Variants in INPP4B observed in about 807,000 individuals in gnomAD.
The protein encoded by INPP4B is inositol polyphosphate 4-phosphatase type II.
In INPP4B, 55 loss-of-function variants were observed where a neutral mutation model predicts 122.5. That is an observed-to-expected ratio of 0.45 (90% CI 0.36 to 0.56). The LOEUF (loss-of-function observed/expected upper bound fraction) is 0.56. INPP4B is among the 20% of genes least tolerant of loss of function. The probability of loss-of-function intolerance (pLI) is 0.00; values close to 1 mark genes in which losing one functional copy is unlikely to be tolerated. For missense variants in INPP4B, 1,000 were observed against 1,097.7 expected (o/e 0.91, Z 1.26); for synonymous variants, 403 against 388.7 (o/e 1.04, Z -0.43).
intron 5 of INPP4B, 140 bp from the exon 6 acceptor site, chr4:142,405,464 C>G (rs981156729): frequency 1.3e-5 from 8 of 622,628 alleles, no homozygotes; most frequent in Non-Finnish European, 2.0e-5. Context: ...CAGAGGAAGT[C>G]CCTTGGAAGT....
chr4:142,363,552 C>T lies in INPP4B; in HGVS notation c.372+39386G>A, dbSNP rs1786285754. On this transcript the variant is annotated intron_variant, in intron 7 of 25. Transcript: ENST00000262992. Reference sequence around the variant, plus strand: ...GAGGAGTAAATGTTATTTTGCTGCACATTTTTTAGATATGGAAGTATTTGT... The same window carrying T: ...GAGGAGTAAATGTTATTTTGCTGCATATTTTTTAGATATGGAAGTATTTGT... Among the ~76,000 whole-genome samples the T allele has an allele frequency of 1.3e-5, 2 of 151,864 alleles. 1 individual carries two copies. The highest frequency in any genetic ancestry group is 4.1e-4 in the South Asian group (2 of 4,820).
intron 2 of INPP4B, among the ~76,000 whole-genome samples, chr4:142,558,523 G>A (rs976551508): frequency 6.6e-6 from 1 of 151,980 alleles, no homozygotes; most frequent in Non-Finnish European, 1.5e-5. Context: ...AAGCCTAAAA[G>A]TGAAGAAATT....
chr4:142,844,891 G>A (rs925056925), intron 1 of INPP4B, among the ~76,000 whole-genome samples: 1 of 152,180 alleles, frequency 6.6e-6, no homozygotes, highest in African/African-American at 2.4e-5. Context: ...GAGAGAAGAT[G>A]AATTTATCCT....
chr4:142,615,871 G>A (rs1392419575), intron 2 of INPP4B, among the ~76,000 whole-genome samples: 4 of 151,856 alleles, frequency 2.6e-5, no homozygotes, highest in African/African-American at 9.7e-5. Context: ...GCCCACTGAA[G>A]GTTCACAGAA....
chr4:142,113,706 G>C (rs143886117), intron 21 of INPP4B, among the ~76,000 whole-genome samples: 1 of 152,008 alleles, frequency 6.6e-6, no homozygotes, highest in African/African-American at 2.4e-5. Flanking sequence ...CAATAGCCTG[G>C]CTAACAGTTT....
At chr4:142,074,542 C>T (rs1257902898) in intron 25 of INPP4B, among the ~76,000 whole-genome samples, 1 of 151,960 alleles carries the variant, frequency 6.6e-6, no homozygotes, top group Non-Finnish European at 1.5e-5. Flanking sequence ...CCCATTATAC[C>T]TATTGGTTTA....
chr4:142,750,543 T>C (rs1769531346), intron 1 of INPP4B, among the ~76,000 whole-genome samples: 1 of 152,104 alleles, frequency 6.6e-6, no homozygotes, highest in Non-Finnish European at 1.5e-5. Context: ...TAGTTTGTCA[T>C]GATATGTATG....
chr4:142,685,528 C>A (rs1223434032), intron 2 of INPP4B, among the ~76,000 whole-genome samples: 4 of 152,206 alleles, frequency 2.6e-5, no homozygotes, highest in Non-Finnish European at 5.9e-5. Flanking sequence ...TGTAAAAATA[C>A]AAGTGGTCAA....
At chr4:142,581,767 G>T (rs1249446249) in intron 2 of INPP4B, among the ~76,000 whole-genome samples, 1 of 151,674 alleles carries the variant, frequency 6.6e-6, no homozygotes, top group Non-Finnish European at 1.5e-5. Context: ...ATCAGTATAG[G>T]CATATCATTT....
At chr4:142,188,437 A>T (rs892583928) in intron 15 of INPP4B, among the ~76,000 whole-genome samples, 2 of 139,858 alleles carry the variant, frequency 1.4e-5, no homozygotes, top group Non-Finnish European at 3.1e-5. Flanking sequence ...CAGTGAGCGA[A>T]GATCGCACCA....
At chr4:142,711,444 A>G (rs1247313246) in intron 2 of INPP4B, among the ~76,000 whole-genome samples, 1 of 151,820 alleles carries the variant, frequency 6.6e-6, no homozygotes, top group Non-Finnish European at 1.5e-5. Flanking sequence ...AGCATCTAGA[A>G]TCAGTGGCCC....
intron 2 of INPP4B, among the ~76,000 whole-genome samples, chr4:142,533,084 T>C (rs1054907775): frequency 6.6e-6 from 1 of 152,190 alleles, no homozygotes. Flanking sequence ...AACATTCCAG[T>C]ACTATAGTGC....
intron 1 of INPP4B, among the ~76,000 whole-genome samples, chr4:142,752,923 C>T (rs1009473242): frequency 6.6e-6 from 1 of 152,090 alleles, no homozygotes; most frequent in Admixed American, 6.6e-5. Flanking sequence ...CCAGGAAGCA[C>T]TTCCTAAGTA....
intron 9 of INPP4B, among the ~76,000 whole-genome samples, chr4:142,300,884 C>T (rs1280321548): frequency 6.6e-6 from 1 of 152,036 alleles, no homozygotes; most frequent in Non-Finnish European, 1.5e-5. Flanking sequence ...AATACTTGCA[C>T]ATCTCTATTC....
Position 142,028,517 on chromosome 4 carries a change from G to A in INPP4B, c.*265C>T. On this transcript the variant is annotated 3_prime_UTR_variant, in exon 26 of 26. Coordinates refer to ENST00000262992, the MANE Select transcript of INPP4B (RefSeq NM_001101669.3). ...CTCATGAATGAAATTTACACTTTGTGAACCAATCTCAATCAGCTAGGCTCA... is the reference window on the plus strand; with the variant it reads ...CTCATGAATGAAATTTACACTTTGTAAACCAATCTCAATCAGCTAGGCTCA... The A allele has an allele frequency of 2.4e-6, 1 of 408,570 alleles. No homozygotes were observed. Among genetic ancestry groups the A allele is most frequent in the Non-Finnish European group, 4.4e-6 (1 of 228,550 alleles). The allele number at this position is 408,570 out of a possible 1,614,324, so 25.3% of individuals were successfully genotyped here. A position where few individuals can be genotyped will look rare whatever the true frequency, so the allele number is the denominator to read the frequency against.
At chr4:142,640,449 C>T (rs753425125) in intron 2 of INPP4B, among the ~76,000 whole-genome samples, 34 of 151,992 alleles carry the variant, frequency 2.2e-4, no homozygotes, top group Admixed American at 1.8e-3. Context: ...ATTATTTTCA[C>T]TATTTGTACT....
intron 1 of INPP4B, among the ~76,000 whole-genome samples, chr4:142,813,002 A>T (rs1254975285): frequency 6.6e-6 from 1 of 152,168 alleles, no homozygotes; most frequent in South Asian, 2.1e-4. Context: ...ATTTAATGCC[A>T]TATCCCCTGC....
intron 1 of INPP4B, among the ~76,000 whole-genome samples, chr4:142,765,324 G>A (rs1561044245): frequency 6.6e-6 from 1 of 152,160 alleles, no homozygotes; most frequent in Non-Finnish European, 1.5e-5. Flanking sequence ...AGGGCTGGAT[G>A]TGTAATTCTG....
rs541752955 is a variant in INPP4B, at chr4:142,034,271, A to G, written c.2643-5357T>C. ...ATATCTGGAAGGATTGTTGGTTGTC[A>G]TAACTATAGGAGTGGGGGTACTGCT... On this transcript the variant is annotated intron_variant, in intron 25 of 25. Coordinates refer to ENST00000262992, the MANE Select transcript of INPP4B (RefSeq NM_001101669.3). 2.0e-4 allele frequency among the ~76,000 whole-genome samples: 30 copies of G among 152,260 alleles called. No individual in the cohort carries two copies. In the South Asian group the frequency reaches 6.2e-3, roughly 32 times the overall value.
Sources: allele counts gnomAD v4.1 joint callset (sites outside exome capture counted in the v4.1 genomes callset), GRCh38; gene constraint gnomAD v4.1.1; transcripts MANE v1.5; gene names NCBI Gene and HGNC (gene_info 2026-07-23, HGNC 2026-07-21).